The following SPDL1 variants were observed in gnomAD, a reference collection of about 807,000 sequenced individuals.
SPDL1 encodes spindle apparatus coiled-coil protein 1.
A neutral mutation model predicts 79.5 loss-of-function variants in SPDL1; 85 were observed. The observed-to-expected ratio is 1.07, with a 90% CI of 0.90 to 1.28. SPDL1 has a LOEUF of 1.28. SPDL1 is among the 50% of genes most tolerant of loss of function. The pLI, the probability that SPDL1 is intolerant of heterozygous loss-of-function variation, is 0.00. For synonymous variants in SPDL1, 269 were observed against 240.3 expected (o/e 1.12, Z -1.10); for missense variants, 703 against 697.8 (o/e 1.01, Z -0.08).
At chr5:169,596,751 C>A in intron 8 of SPDL1, 50 bp downstream of exon 8, 1 of 1,473,916 alleles carries the variant, frequency 6.8e-7, no homozygotes, top group South Asian at 1.3e-5. Flanking sequence ...ATTTGAATAT[C>A]TTAAAATTTG....
At chr5:169,603,629 G>C (rs867507084) in intron 11 of SPDL1, among the ~76,000 whole-genome samples, 1 of 152,182 alleles carries the variant, frequency 6.6e-6, no homozygotes, top group African/African-American at 2.4e-5. Flanking sequence ...GCTGAGGCAG[G>C]TGGATCACGA....
At chr5:169,584,821 C>T (rs1464036424) in intron 1 of SPDL1, among the ~76,000 whole-genome samples, 1 of 152,150 alleles carries the variant, frequency 6.6e-6, no homozygotes, top group African/African-American at 2.4e-5. Flanking sequence ...CCTTCAACCT[C>T]TTGAAGTTGT....
chr5:169,598,130 G>A (rs529499067), intron 8 of SPDL1, among the ~76,000 whole-genome samples: 1 of 152,282 alleles, frequency 6.6e-6, no homozygotes, highest in Admixed American at 6.5e-5. Context: ...TTGTTACAAA[G>A]GCCAGAATTT....
chr5:169,586,420 C>G (rs1011096336), intron 1 of SPDL1: 1 of 152,324 alleles, frequency 6.6e-6, no homozygotes, highest in African/African-American at 2.4e-5. Flanking sequence ...TACCTCATAA[C>G]AGGGTTCAGT....
At position 169,596,709 on chromosome 5, in the gene SPDL1, T is replaced by C; in HGVS notation, c.1032+8T>C. ...AATCTGGAGAAATTTAAGGTATGTA[T>C]AACAGTTAAAAAAACACACATCCAA... On this transcript the variant is annotated splice_region_variant and intron_variant, in intron 8 of 11. Transcript: ENST00000265295. 6.4e-7 allele frequency: 1 copy of C among 1,561,174 alleles called. No homozygotes were observed. The highest frequency in any genetic ancestry group is 8.6e-7 in the Non-Finnish European group (1 of 1,163,096).
chr5:169,598,915 C>T (rs1406244363), intron 9 of SPDL1, 57 bp from the exon 10 acceptor site: 2 of 1,491,718 alleles, frequency 1.3e-6, no homozygotes, highest in African/African-American at 1.4e-5. Context: ...ATTTATACCA[C>T]TACACTTATT....
At position 169,591,363 on chromosome 5, in the gene SPDL1, G is replaced by A. The variant is rs2113341276; in HGVS notation, c.336+139G>A. On this transcript the variant is annotated intron_variant, in intron 3 of 11. Transcript: ENST00000265295. ...AAGTCTTCATTATCTTAATATTGGG[G>A]GTGGGAACACTGAGATACAAGAGTT... The A allele has an allele frequency of 6.5e-6, 5 of 766,214 alleles. No individual in the cohort carries two copies. In the South Asian group the frequency reaches 1.0e-4, roughly 16 times the overall value. 47.5% of individuals were successfully genotyped at this position (766,214 alleles called of 1,614,324 possible).
In SPDL1 at chr5:169,594,422, A is replaced by C; in HGVS notation, c.710A>C (p.Gln237Pro). 6.2e-7 allele frequency: 1 copy of C among 1,614,126 alleles called. No homozygotes were observed. The highest frequency in any genetic ancestry group is 8.5e-7 in the Non-Finnish European group (1 of 1,179,960). ...GCTCGTGTAGCAAATCAAGATCTTCAGGTACAGTTGGACCAGGCACTCCAG... is the reference window on the plus strand; with the variant it reads ...GCTCGTGTAGCAAATCAAGATCTTCCGGTACAGTTGGACCAGGCACTCCAG... The part of the protein sequence containing the change: ...EKARVANQDL[Q>P]VQLDQALQQA... The change falls in exon 6 of 12, where the codon CAG (glutamine) becomes CCG (proline). Residue 237 changes from glutamine (Q) to proline (P), a missense_variant. Transcript: ENST00000265295.
rs777240955 is a variant in SPDL1 at position 169,604,138 on chromosome 5, T to G, written c.1749T>G (p.Cys583Trp). Residue 583 changes from cysteine to tryptophan, a missense_variant, in exon 12 of 12, where the codon TGT (cysteine) becomes TGG (tryptophan). Coordinates refer to ENST00000265295, the MANE Select transcript of SPDL1 (RefSeq NM_017785.5). Reference protein sequence around the residue: ...ETSSKLEKETCKKLHPILYVS... With the variant: ...ETSSKLEKETWKKLHPILYVS... The stretch of plus-strand genomic sequence containing the variant: ...CAAGCAAATTGGAAAAAGAAACTTG[T>G]AAGAAATTACACCCTATTCTATATG... 1.1e-4 allele frequency: 174 copies of G among 1,613,372 alleles called. 2 individuals are homozygous for G. The Admixed American group carries it at 1.9e-3, about 17-fold the overall frequency.
rs768120440 is a variant in SPDL1 at position 169,604,093 on chromosome 5, TA to T, written c.1707del (p.Glu570LysfsTer60). 6.2e-7 allele frequency: 1 copy of T among 1,612,980 alleles called. No homozygotes were observed. The highest frequency in any genetic ancestry group is 1.1e-5 in the South Asian group (1 of 90,888). On this transcript the variant is annotated frameshift_variant, in exon 12 of 12. Transcript: ENST00000265295. LOFTEE classifies it high-confidence loss of function. ...AAESKLQTEV[K>X]EGKETSSKLE... The stretch of plus-strand genomic sequence containing the variant: ...CTGAATCAAAGCTTCAAACAGAAGT[TA>T]AAGAAGGAAAAGAAACTTCAAGCAA...
chr5:169,585,319 A>C (rs73314508), intron 1 of SPDL1, among the ~76,000 whole-genome samples: 8,105 of 152,244 alleles, frequency 0.053, 250 homozygotes, highest in Non-Finnish European at 0.058. Context: ...AATGTCTTTT[A>C]CTAATAGACT....
rs1221940120 is a variant in SPDL1 at position 169,594,219 on chromosome 5, G to A, written c.606G>A (p.Met202Ile). 1 of 1,613,936 alleles carries A rather than the reference G, an allele frequency of 6.2e-7. No individual in the cohort carries two copies. Among genetic ancestry groups the A allele is most frequent in the South Asian group, 1.1e-5 (1 of 91,066 alleles). Residue 202 changes from methionine (M) to isoleucine (I), a missense_variant, in exon 5 of 12, where the codon ATG (methionine) becomes ATA (isoleucine). By Grantham distance (10) the Met-to-Ile change is conservative. Transcript: ENST00000265295. ...TAGAACTTCTTATTACTAACCTAAT[G>A]CGCCAGGTAGACCGGCTTAAAGAGG... ...EQLELLITNL[M>I]RQVDRLKEEK... is the part of the protein sequence containing the mutation.
intron 9 of SPDL1, 21 bp downstream of exon 9, chr5:169,598,600 A>T (rs1425674233): frequency 6.4e-7 from 1 of 1,550,886 alleles, no homozygotes; most frequent in African/African-American, 1.4e-5. Context: ...GGGTTGGTGG[A>T]TGGAAAGATG....
At chr5:169,600,509 G>T (rs892743545) in intron 10 of SPDL1, among the ~76,000 whole-genome samples, 1 of 152,188 alleles carries the variant, frequency 6.6e-6, no homozygotes, top group Non-Finnish European at 1.5e-5. Flanking sequence ...GCAACCCCTT[G>T]TGCTACCAGT....
At chr5:169,601,715 A>G (rs942305690) in intron 11 of SPDL1, 90 bp downstream of exon 11, 4 of 1,172,656 alleles carry the variant, frequency 3.4e-6, no homozygotes, top group Non-Finnish European at 3.7e-6. Context: ...TTCTTTATCT[A>G]CTTTCTTACA....
At chr5:169,584,283 T>C (rs1045331442) in intron 1 of SPDL1, 1 of 151,454 alleles carries the variant, frequency 6.6e-6, no homozygotes, top group African/African-American at 2.4e-5. Context: ...TGATTACATG[T>C]TGAAATGATG....
chr5:169,599,069 G>A lies in SPDL1; in HGVS notation c.1234G>A (p.Ala412Thr), dbSNP rs1352015748. The change falls in exon 10 of 12, where the codon GCA becomes ACA. Residue 412 changes from alanine to threonine, a missense_variant. Physicochemically the swap from Ala to Thr is moderately conservative, Grantham distance 58. Coordinates refer to ENST00000265295, the MANE Select transcript of SPDL1 (RefSeq NM_017785.5). ...RALDIERKLF[A>T]NERCLQLSES... ...TCTAGATATTGAGCGAAAACTTTTT[G>A]CAAATGAAAGATGCCTCCAGCTTTC... 2 of 1,602,964 alleles carry A rather than the reference G, an allele frequency of 1.2e-6. No homozygotes were observed. Among genetic ancestry groups the A allele is most frequent in the Non-Finnish European group, 1.7e-6 (2 of 1,172,132 alleles).
rs747263372 is a variant in SPDL1 at position 169,594,146 on chromosome 5, C to A, written c.533C>A (p.Thr178Asn). 3 of 1,598,298 alleles carry A rather than the reference C, an allele frequency of 1.9e-6. No individual in the cohort carries two copies. In the South Asian group the frequency reaches 3.4e-5, roughly 18 times the overall value. Residue 178 changes from threonine to asparagine, a missense_variant and splice_region_variant, in exon 5 of 12, where the codon ACC becomes AAC. Transcript: ENST00000265295. The part of the protein sequence containing the change: ...IELTEMESMK[T>N]TLKEEVNELQ... ...TCCTTTTCAATTCCTGTTAAATAGACCACCCTCAAAGAAGAAGTGAATGAA... is the reference window on the plus strand; with the variant it reads ...TCCTTTTCAATTCCTGTTAAATAGAACACCCTCAAAGAAGAAGTGAATGAA...
Position 169,596,612 on chromosome 5 carries a change from C to T in SPDL1, c.943C>T (p.Gln315Ter). 1 of 1,610,030 alleles carries T rather than the reference C, an allele frequency of 6.2e-7. No homozygotes were observed. The highest frequency in any genetic ancestry group is 8.5e-7 in the Non-Finnish European group (1 of 1,178,768). Residue 315 changes from glutamine to a stop codon, truncating the protein, a stop_gained, in exon 8 of 12, where the codon CAG becomes TAG. Transcript: ENST00000265295. LOFTEE classifies it high-confidence loss of function. ...QMKGSQTEFE[Q>*]QERLLAMLEQ... is the part of the protein sequence containing the mutation. ...GAAAGGGTCTCAAACTGAATTTGAG[C>T]AGCAGGAACGGTTGCTTGCCATGTT... is the stretch of plus-strand genomic sequence containing the variant.
Sources: allele counts gnomAD v4.1 joint callset (sites outside exome capture counted in the v4.1 genomes callset), GRCh38; gene constraint gnomAD v4.1.1; transcripts MANE v1.5; gene names NCBI Gene and HGNC (gene_info 2026-07-23, HGNC 2026-07-21).